The following DRC5 variants were observed in gnomAD, a reference collection of about 807,000 sequenced individuals.
DRC5 encodes dynein regulatory complex subunit 5, also known as T-complex-associated testis-expressed protein 1.
chr6:44,286,873 T>A, the DRC5 span, among the ~76,000 whole-genome samples: 1 of 152,244 alleles, frequency 6.6e-6, no homozygotes, highest in South Asian at 2.1e-4. Flanking sequence ...TTCATCCATT[T>A]CAAAACAAGA....
the DRC5 span, among the ~76,000 whole-genome samples, chr6:44,284,748 G>A: frequency 3.3e-5 from 5 of 152,022 alleles, no homozygotes; most frequent in Admixed American, 6.6e-5. Flanking sequence ...GCCTAAATAT[G>A]TGTTGACTCT....
chr6:44,287,245 G>A, the DRC5 span: 16,725 of 985,234 alleles, frequency 0.017, 163 homozygotes, highest in Non-Finnish European at 0.019. Context: ...AGGCTTTCTG[G>A]AGGAGGAAGT....
At chr6:44,286,401 G>T in the DRC5 span, 1 of 1,614,178 alleles carries the variant, frequency 6.2e-7, no homozygotes, top group Non-Finnish European at 8.5e-7. Context: ...GGCCAGCGAT[G>T]CATGCAGCAG....
the DRC5 span, chr6:44,282,661 G>T: frequency 9.7e-7 from 1 of 1,034,774 alleles, no homozygotes; most frequent in Non-Finnish European, 1.4e-6. Flanking sequence ...TGGCCACCTG[G>T]CTGGGTCTTG....
At chr6:44,287,631 A>C in the DRC5 span, 28 of 1,614,064 alleles carry the variant, frequency 1.7e-5, no homozygotes, top group Non-Finnish European at 2.2e-5. Context: ...GATCCTCAGC[A>C]ATGATCCGGC....
At chr6:44,290,725 A>G in the DRC5 span, among the ~76,000 whole-genome samples, 1,122 of 152,334 alleles carry the variant, frequency 7.4e-3, 10 homozygotes, top group African/African-American at 0.025. Flanking sequence ...GAGCAGGACC[A>G]GGCTTGGCAG....
chr6:44,286,528 G>C, the DRC5 span: 1 of 1,609,882 alleles, frequency 6.2e-7, no homozygotes, highest in East Asian at 2.2e-5. Flanking sequence ...TCAGGATAGG[G>C]TTTTCTTTGG....
chr6:44,285,216 G>T, the DRC5 span, among the ~76,000 whole-genome samples: 2 of 152,194 alleles, frequency 1.3e-5, no homozygotes, highest in South Asian at 4.1e-4. Context: ...CCCTTGCAAG[G>T]TCAAATGCTC....
chr6:44,286,038 A>C, the DRC5 span: 1 of 1,614,084 alleles, frequency 6.2e-7, no homozygotes, highest in Non-Finnish European at 8.5e-7. Flanking sequence ...AAGAGATTCC[A>C]CTCGAAATTC....
chr6:44,279,973 G>T, the DRC5 span: 2 of 501,406 alleles, frequency 4.0e-6, no homozygotes, highest in Non-Finnish European at 7.0e-6. Flanking sequence ...TGGGCACAAA[G>T]GCTGGGTCCC....
chr6:44,281,060 CGTGT>C, the DRC5 span, among the ~76,000 whole-genome samples: 2 of 152,032 alleles, frequency 1.3e-5, no homozygotes, highest in African/African-American at 2.4e-5. Context: ...CGTGTGTGTG[CGTGT>C]ATGTGCCTGT....
the DRC5 span, chr6:44,280,489 T>C: frequency 1.2e-6 from 1 of 836,270 alleles, no homozygotes; most frequent in Admixed American, 2.7e-5. Flanking sequence ...AAACAAAAGT[T>C]TCACAAAACA....
At chr6:44,294,110 A>G in the DRC5 span, among the ~76,000 whole-genome samples, 135,483 of 152,000 alleles carry the variant, frequency 0.89, 61,523 homozygotes, top group East Asian at 1. Flanking sequence ...AGCCTCCCGA[A>G]TAGCTGGGAT....
chr6:44,286,968 G>A, the DRC5 span, among the ~76,000 whole-genome samples: 1 of 152,222 alleles, frequency 6.6e-6, no homozygotes, highest in South Asian at 2.1e-4. Context: ...AGATAGAAGA[G>A]TAAGCAAACA....
At chr6:44,281,645 A>T in the DRC5 span, among the ~76,000 whole-genome samples, 2 of 152,240 alleles carry the variant, frequency 1.3e-5, no homozygotes, top group African/African-American at 4.8e-5. Context: ...TCAGCCTCCC[A>T]AAGTGCTGGG....
At chr6:44,291,317 C>T in the DRC5 span, among the ~76,000 whole-genome samples, 1 of 152,184 alleles carries the variant, frequency 6.6e-6, no homozygotes, top group Admixed American at 6.5e-5. Context: ...TATTACCAGA[C>T]ACACAAGATT....
the DRC5 span, chr6:44,287,686 G>A: frequency 6.2e-7 from 1 of 1,614,246 alleles, no homozygotes; most frequent in Non-Finnish European, 8.5e-7. Context: ...CCTGGACTTT[G>A]CAGGGACTGG....
the DRC5 span, chr6:44,286,545 A>G: frequency 5.6e-6 from 9 of 1,601,654 alleles, no homozygotes; most frequent in Non-Finnish European, 7.7e-6. Context: ...TTGGGAACAG[A>G]GGAAGGAGCG....
the DRC5 span, chr6:44,282,093 C>T: frequency 2.5e-6 from 4 of 1,605,382 alleles, no homozygotes; most frequent in East Asian, 4.5e-5. Flanking sequence ...CTCACAAGCC[C>T]AGAATAGGTG....
Sources: allele counts gnomAD v4.1 joint callset (sites outside exome capture counted in the v4.1 genomes callset), GRCh38; gene constraint gnomAD v4.1.1; transcripts MANE v1.5; gene names NCBI Gene and HGNC (gene_info 2026-07-23, HGNC 2026-07-21).